RALGAPB: variants seen among roughly 807,000 people sequenced by gnomAD.
RALGAPB encodes the protein Ral GTPase activating protein non-catalytic subunit beta, also known as ral GTPase-activating protein subunit beta.
In RALGAPB, 25 loss-of-function variants were observed where a neutral mutation model predicts 161.1. That is an observed-to-expected ratio of 0.16 (90% CI 0.11 to 0.22). The LOEUF is 0.22. Among genes scored for constraint, RALGAPB ranks in the 10% least tolerant of loss-of-function variants. The pLI, the probability that RALGAPB is intolerant of heterozygous loss-of-function variation, is 1.00. For synonymous variants in RALGAPB, 629 were observed against 626.1 expected, an observed-to-expected ratio of 1.00 and a Z score of -0.07; for missense variants, 1,391 against 1,815.2, an observed-to-expected ratio of 0.77 and a Z score of 4.25.
At chr20:38,506,689 A>G (rs1392982778) in intron 5 of RALGAPB, among the ~76,000 whole-genome samples, 1 of 152,134 alleles carries the variant, frequency 6.6e-6, no homozygotes, top group Non-Finnish European at 1.5e-5. Flanking sequence ...CACATTGTTA[A>G]TTACTATATT....
rs757064091 is a variant in RALGAPB at position 38,539,859 on chromosome 20, A to G, written c.2463A>G (p.Pro821=). 6.8e-6 allele frequency: 11 copies of G among 1,614,008 alleles called. No homozygotes were observed. The highest frequency in any genetic ancestry group is 1.1e-5 in the South Asian group (1 of 91,078). The change falls in exon 17 of 30, where the codon CCA becomes CCG. Residue 821 remains proline (P), a synonymous_variant. Coordinates refer to ENST00000262879, the MANE Select transcript of RALGAPB (RefSeq NM_020336.4). ...CTYIVYQCSR[P]APLHSRDLHS... ...ACATTGTTTATCAGTGTAGTCGGCC[A>G]GCTCCTTTACACTCCAGGGATCTGC...
chr20:38,492,926 C>G lies in RALGAPB; in HGVS notation c.187-4C>G, dbSNP rs748945589. 6.3e-7 allele frequency: 1 copy of G among 1,593,168 alleles called. No individual in the cohort carries two copies. Among genetic ancestry groups the G allele is most frequent in the Non-Finnish European group, 8.6e-7 (1 of 1,161,622 alleles). ...ATTCTATATGGATATTTTCTTTTGT[C>G]TAGGTAAAATGGACCATGGAAGTAA... is the stretch of plus-strand genomic sequence containing the variant. On this transcript the variant is annotated splice_polypyrimidine_tract_variant and splice_region_variant and intron_variant, in intron 2 of 29. Coordinates refer to ENST00000262879, the MANE Select transcript of RALGAPB (RefSeq NM_020336.4).
chr20:38,546,579 A>G, intron 19 of RALGAPB, 149 bp downstream of exon 19: 2 of 1,002,554 alleles, frequency 2.0e-6, no homozygotes, highest in Non-Finnish European at 2.9e-6. Flanking sequence ...CCTGAAAAAT[A>G]GGGGGGCAAA....
chr20:38,557,302 A>G (rs905523397), intron 22 of RALGAPB, among the ~76,000 whole-genome samples: 2 of 152,198 alleles, frequency 1.3e-5, no homozygotes, highest in Non-Finnish European at 2.9e-5. Flanking sequence ...TTCCCCTGTT[A>G]TCAACATCTT....
chr20:38,553,256 C>T (rs992315273), intron 21 of RALGAPB, among the ~76,000 whole-genome samples: 9 of 152,142 alleles, frequency 5.9e-5, no homozygotes, highest in African/African-American at 1.9e-4. Context: ...GATCGTTACT[C>T]ACCCGGGAAT....
chr20:38,496,818 A>C (rs1165158633), intron 3 of RALGAPB, among the ~76,000 whole-genome samples: 1 of 152,214 alleles, frequency 6.6e-6, no homozygotes, highest in Non-Finnish European at 1.5e-5. Context: ...TGCATACCTC[A>C]TTAATTTTGG....
intron 5 of RALGAPB, among the ~76,000 whole-genome samples, chr20:38,504,093 A>T (rs2085677524): frequency 6.6e-6 from 1 of 152,194 alleles, no homozygotes; most frequent in Non-Finnish European, 1.5e-5. Flanking sequence ...TAAAATTCAT[A>T]TTGCAACCAA....
intron 18 of RALGAPB, among the ~76,000 whole-genome samples, chr20:38,545,099 G>A (rs1193524043): frequency 6.6e-6 from 1 of 151,782 alleles, no homozygotes; most frequent in Non-Finnish European, 1.5e-5. Flanking sequence ...TCTGCTTTTG[G>A]GCAACTGGAC....
chr20:38,542,824 G>A (rs1253944126), intron 18 of RALGAPB, among the ~76,000 whole-genome samples: 19 of 149,450 alleles, frequency 1.3e-4, no homozygotes, highest in Admixed American at 1.3e-3. Flanking sequence ...GCAGTGAGCC[G>A]AGATCACACC....
At chr20:38,526,588 C>T (rs2086478803) in intron 13 of RALGAPB, among the ~76,000 whole-genome samples, 1 of 152,196 alleles carries the variant, frequency 6.6e-6, no homozygotes, top group African/African-American at 2.4e-5. Flanking sequence ...TTTTCTTCAT[C>T]ATCTTCTTAA....
chr20:38,568,498 A>G (rs1201217691), intron 26 of RALGAPB: 1 of 152,242 alleles, frequency 6.6e-6, no homozygotes, highest in Non-Finnish European at 1.5e-5. Flanking sequence ...GCCTGTTCTC[A>G]CCACTTACGT....
Position 38,532,785 on chromosome 20 carries a change from C to G in RALGAPB, c.2171C>G (p.Ser724Ter). 6.2e-7 allele frequency: 1 copy of G among 1,613,958 alleles called. No homozygotes were observed. Among genetic ancestry groups the G allele is most frequent in the Non-Finnish European group, 8.5e-7 (1 of 1,179,856 alleles). The change falls in exon 15 of 30, where the codon TCA (serine) becomes TGA (stop). Residue 724 changes from serine (S) to a stop codon, truncating the protein, a stop_gained. Coordinates refer to ENST00000262879, the MANE Select transcript of RALGAPB (RefSeq NM_020336.4). LOFTEE classifies it high-confidence loss of function. ...SHSRTNSGIS[S>*]ASGGSTEPTT... ...AGTCGCACCAATAGTGGTATTAGTT[C>G]AGCAAGTGGTGGAAGCACGGAGCCC... is the stretch of plus-strand genomic sequence containing the variant.
chr20:38,545,440 A>G (rs930293313), intron 18 of RALGAPB, among the ~76,000 whole-genome samples: 1 of 152,168 alleles, frequency 6.6e-6, no homozygotes, highest in African/African-American at 2.4e-5. Flanking sequence ...CAGAAAGAAA[A>G]TATCTTAAAA....
At chr20:38,495,394 ATAT>A (rs1380301888) in intron 3 of RALGAPB, among the ~76,000 whole-genome samples, 1 of 152,236 alleles carries the variant, frequency 6.6e-6, no homozygotes, top group Non-Finnish European at 1.5e-5. Flanking sequence ...TTAGAAAAAC[ATAT>A]TATTGTTCTG....
Position 38,515,797 on chromosome 20 carries a change from T to TCC in RALGAPB, c.873-394_873-393insCC, listed in dbSNP as rs1324889020. ...CTCAGGCTGGAATGCATTGGCATGA[T>TCC]CATAGCTCACTGCAGCCTCGGCCTT... On this transcript the variant is annotated intron_variant, in intron 6 of 29. Transcript: ENST00000262879. 4.5e-4 allele frequency among the ~76,000 whole-genome samples: 68 copies of TCC among 152,200 alleles called. 1 individual carries two copies. Among genetic ancestry groups the TCC allele is most frequent in the Admixed American group, 1.2e-3 (19 of 15,278 alleles).
At chr20:38,574,520 T>C (rs1301481686) in intron 29 of RALGAPB, among the ~76,000 whole-genome samples, 1 of 152,214 alleles carries the variant, frequency 6.6e-6, no homozygotes, top group Non-Finnish European at 1.5e-5. Context: ...TATTAAAATA[T>C]TGAAGATAGC....
At position 38,510,627 on chromosome 20, in the gene RALGAPB, A is replaced by C. The variant is rs907237733; in HGVS notation, c.872+1419A>C. 2.3e-4 allele frequency among the ~76,000 whole-genome samples: 33 copies of C among 144,578 alleles called. 1 individual carries two copies. Among genetic ancestry groups the C allele is most frequent in the Admixed American group, 4.0e-4 (6 of 15,168 alleles). The allele number at this position is 144,578 out of a possible 152,430, so 94.8% of individuals were successfully genotyped here. ...GCAAATGAACTTGAAAATCTTTTAT[A>C]GGGCCGGGCGCGGTGGCTCACGCCT... is the stretch of plus-strand genomic sequence containing the variant. On this transcript the variant is annotated intron_variant, in intron 6 of 29. Transcript: ENST00000262879.
At chr20:38,551,916 G>A (rs529301110) in intron 21 of RALGAPB, among the ~76,000 whole-genome samples, 9 of 152,174 alleles carry the variant, frequency 5.9e-5, no homozygotes, top group East Asian at 3.9e-4. Context: ...GAGAGACCAG[G>A]GAGAAGAAGG....
intron 1 of RALGAPB, among the ~76,000 whole-genome samples, chr20:38,480,621 A>G (rs1568894440): frequency 6.6e-6 from 1 of 151,382 alleles, no homozygotes; most frequent in Non-Finnish European, 1.5e-5. Context: ...TCCTGACCTC[A>G]GGTGATTTCA....
Sources: allele counts gnomAD v4.1 joint callset (sites outside exome capture counted in the v4.1 genomes callset), GRCh38; gene constraint gnomAD v4.1.1; transcripts MANE v1.5; gene names NCBI Gene and HGNC (gene_info 2026-07-23, HGNC 2026-07-21).